Variants in BTD observed in about 807,000 individuals in gnomAD.
BTD encodes biotinidase.
In BTD, 13 loss-of-function variants were observed where a neutral mutation model predicts 17.7. That is an observed-to-expected ratio of 0.74 (90% CI 0.48 to 1.17). BTD has a LOEUF of 1.17. Ranked by LOEUF, BTD falls within the 50% of genes most tolerant of loss-of-function variation. The pLI, the probability that BTD is intolerant of heterozygous loss-of-function variation, is 0.00. For missense variants in BTD, 674 were observed against 650.4 expected (o/e 1.04, Z -0.39); for synonymous variants, 240 against 245.2 (o/e 0.98, Z 0.20).
intron 3 of BTD, chr3:15,689,852 A>G (rs2068584942): frequency 1.6e-6 from 1 of 624,686 alleles, no homozygotes; most frequent in South Asian, 2.3e-5. Context: ...TTGTAAATTC[A>G]TTTGTGTGAA....
At chr3:15,626,538 G>A (rs2065069331) in intron 1 of BTD, among the ~76,000 whole-genome samples, 1 of 152,156 alleles carries the variant, frequency 6.6e-6, no homozygotes, top group Non-Finnish European at 1.5e-5. Context: ...TGTAATCCCA[G>A]CACTTTAGGT....
chr3:15,642,723 A>C (rs1456114840), intron 3 of BTD, among the ~76,000 whole-genome samples: 2 of 152,036 alleles, frequency 1.3e-5, no homozygotes, highest in Non-Finnish European at 2.9e-5. Context: ...CGGCCTGCCA[A>C]AGTGCTGGGA....
intron 3 of BTD, chr3:15,683,938 C>G (rs1037747848): frequency 6.6e-6 from 1 of 152,096 alleles, no homozygotes; most frequent in South Asian, 2.1e-4. Context: ...TTATTTTTAG[C>G]AAATGGGTAT....
At chr3:15,631,924 A>C (rs898376273) in intron 1 of BTD, among the ~76,000 whole-genome samples, 1 of 151,956 alleles carries the variant, frequency 6.6e-6, no homozygotes, top group Admixed American at 6.6e-5. Context: ...ATGCAGGGGG[A>C]TGTTAGGAGA....
At chr3:15,611,530 A>T (rs1423858872) in intron 1 of BTD, among the ~76,000 whole-genome samples, 1 of 152,206 alleles carries the variant, frequency 6.6e-6, no homozygotes, top group Non-Finnish European at 1.5e-5. Flanking sequence ...TCTTCTAGAA[A>T]CTATTTGGGC....
At chr3:15,711,235 C>T in exon 4 of BTD, 1 of 1,612,744 alleles carries the variant, frequency 6.2e-7, no homozygotes, top group Non-Finnish European at 8.5e-7. Flanking sequence ...TGCATGTAGA[C>T]AAGTCCTGCC....
chr3:15,675,996 GA>G, intron 3 of BTD: 2 of 1,608,130 alleles, frequency 1.2e-6, no homozygotes, highest in Non-Finnish European at 8.5e-7. Flanking sequence ...AGGTCTAGGG[GA>G]AAAAACATGA....
chr3:15,612,784 C>A (rs2125360599), intron 1 of BTD, among the ~76,000 whole-genome samples: 1 of 151,654 alleles, frequency 6.6e-6, no homozygotes, highest in South Asian at 2.1e-4. Flanking sequence ...CATTTATTAT[C>A]TCAAAGTCTC....
At chr3:15,623,377 T>C (rs779653739) in intron 1 of BTD, among the ~76,000 whole-genome samples, 1 of 152,244 alleles carries the variant, frequency 6.6e-6, no homozygotes, top group Non-Finnish European at 1.5e-5. Flanking sequence ...CGAATTGATA[T>C]ATTTATACCA....
At chr3:15,658,577 A>G (rs1433030772), downstream of BTD, among the ~76,000 whole-genome samples, 1 of 152,024 alleles carries the variant, frequency 6.6e-6, no homozygotes, top group Non-Finnish European at 1.5e-5. Context: ...CCTTTAATCC[A>G]AGATCCCCTA....
Position 15,649,255 on chromosome 3 carries a change from C to T in BTD, c.*3767C>T, listed in dbSNP as rs780674252. On this transcript the variant is annotated 3_prime_UTR_variant, in exon 4 of 4. Transcript: ENST00000643237. Reference sequence around the variant, plus strand: ...TAGCTGAGTGTCCTCATGATGTGGCCCCTGGCTTCCCCTGAAGCAAATGAT... The same window carrying T: ...TAGCTGAGTGTCCTCATGATGTGGCTCCTGGCTTCCCCTGAAGCAAATGAT... Among the ~76,000 whole-genome samples, 1 of 152,142 alleles carries T rather than the reference C, an allele frequency of 6.6e-6. No homozygotes were observed. The highest frequency in any genetic ancestry group is 1.5e-5 in the Non-Finnish European group (1 of 68,026).
intron 1 of BTD, among the ~76,000 whole-genome samples, chr3:15,609,131 C>T (rs2064543493): frequency 6.6e-6 from 1 of 152,124 alleles, no homozygotes; most frequent in Admixed American, 6.5e-5. Flanking sequence ...TTGAGTTCTT[C>T]TTTGGAGCTT....
chr3:15,643,045 TA>T (rs368667485), intron 3 of BTD, among the ~76,000 whole-genome samples: 36,927 of 142,238 alleles, frequency 0.26, 4,951 homozygotes, highest in African/African-American at 0.31. Context: ...AAAAAAAAAA[TA>T]AAATAAAATA....
At chr3:15,656,290 CT>C (rs1280346050), downstream of BTD, among the ~76,000 whole-genome samples, 3 of 152,252 alleles carry the variant, frequency 2.0e-5, no homozygotes, top group Middle Eastern at 3.4e-3. Flanking sequence ...CATCTGTTGC[CT>C]TGGTTACCTG....
At chr3:15,659,661 C>G (rs1230658384) in intron 3 of BTD, among the ~76,000 whole-genome samples, 2 of 152,214 alleles carry the variant, frequency 1.3e-5, no homozygotes, top group Non-Finnish European at 2.9e-5. Context: ...TTAACGACTT[C>G]TATTCACTCT....
At chr3:15,678,246 A>G in intron 3 of BTD, 1 of 1,612,530 alleles carries the variant, frequency 6.2e-7, no homozygotes, top group East Asian at 2.2e-5. Context: ...CAGCCATCAT[A>G]AGAGGTGTTT....
chr3:15,694,710 A>G, intron 3 of BTD: 1 of 1,583,612 alleles, frequency 6.3e-7, no homozygotes, highest in Non-Finnish European at 8.7e-7. Flanking sequence ...ACCAGCAGCC[A>G]TCAAGTCGGC....
chr3:15,651,857 G>A lies in BTD; in HGVS notation c.*6369G>A, dbSNP rs182232903. 6.6e-6 allele frequency among the ~76,000 whole-genome samples: 1 copy of A among 152,254 alleles called. No individual in the cohort carries two copies. Among genetic ancestry groups the A allele is most frequent in the Admixed American group, 6.5e-5 (1 of 15,294 alleles). ...TTTGAGAAGAAATAGAGGAGTTAGGGGAGAGAGAAGCTTCTTAATGAAAAT... is the reference window on the plus strand; with the variant it reads ...TTTGAGAAGAAATAGAGGAGTTAGGAGAGAGAGAAGCTTCTTAATGAAAAT... On this transcript the variant is annotated 3_prime_UTR_variant, in exon 4 of 4. Transcript: ENST00000643237.
intron 1 of BTD, among the ~76,000 whole-genome samples, chr3:15,627,883 G>T (rs1000206503): frequency 5.9e-5 from 9 of 152,144 alleles, no homozygotes; most frequent in Non-Finnish European, 1.2e-4. Flanking sequence ...ACCACGCCTG[G>T]CTAATTTTTT....
Sources: gnomAD v4.1 joint callset for allele counts (sites outside exome capture counted in the v4.1 genomes callset) on GRCh38, gnomAD v4.1.1 for gene constraint, MANE v1.5 for transcripts, NCBI Gene and HGNC (gene_info 2026-07-23, HGNC 2026-07-21) for gene names.